The following PPEF1 variants were observed in gnomAD, a reference collection of about 807,000 sequenced individuals.
PPEF1 encodes protein phosphatase with EF-hand domain 1, also known as serine/threonine-protein phosphatase with EF-hands 1.
In PPEF1, 12 loss-of-function variants were observed where a neutral mutation model predicts 53.3. That is an observed-to-expected ratio of 0.23 (90% CI 0.14 to 0.36). The LOEUF (loss-of-function observed/expected upper bound fraction) is 0.36, where lower values mean the gene tolerates loss of function less well. Among genes scored for constraint, PPEF1 ranks in the 10% least tolerant of loss-of-function variants. The pLI is 1.00. For synonymous variants in PPEF1, 165 were observed against 176.7 expected (o/e 0.93, Z 0.52); for missense variants, 334 against 490.4 (o/e 0.68, Z 3.01).
intron 4 of PPEF1, among the ~76,000 whole-genome samples, chrX:18,693,924 T>C (rs994953674): frequency 6.3e-5 from 7 of 111,737 alleles, no homozygotes; most frequent in Admixed American, 9.5e-5. Context: ...ATCATCAGGA[T>C]ATAGAACATG....
chrX:18,810,257 T>C, intron 12 of PPEF1, among the ~76,000 whole-genome samples: 1 of 110,478 alleles, frequency 9.1e-6, no homozygotes, highest in Non-Finnish European at 1.9e-5. Flanking sequence ...CATATTTATT[T>C]ATAATTTCAT....
chrX:18,824,303 G>C (rs1350221949), intron 14 of PPEF1, among the ~76,000 whole-genome samples: 2 of 111,028 alleles, frequency 1.8e-5, no homozygotes, highest in Admixed American at 9.6e-5. Context: ...AGCCGGGTGT[G>C]GTCGTGCCCA....
At chrX:18,703,770 C>A (rs1011241580), upstream of PPEF1, among the ~76,000 whole-genome samples, 3 of 110,332 alleles carry the variant, frequency 2.7e-5, no homozygotes, top group Non-Finnish European at 5.7e-5. Flanking sequence ...AAACCAAATG[C>A]CTCTGGAGAG....
chrX:18,733,958 C>T (rs1294579224), intron 3 of PPEF1, 150 bp downstream of exon 3: 37 of 439,423 alleles, frequency 8.4e-5, no homozygotes, highest in Non-Finnish European at 1.3e-4. Flanking sequence ...CTGGCAACAT[C>T]AGTTCAAGTG....
At chrX:18,729,153 C>CAGG (rs55988995) in intron 1 of PPEF1, among the ~76,000 whole-genome samples, 53,962 of 110,466 alleles carry the variant, frequency 0.49, 9,944 homozygotes, top group Non-Finnish European at 0.56. Flanking sequence ...AAACTCTTCC[C>CAGG]CTTGTAACAT....
At chrX:18,823,840 C>A in intron 13 of PPEF1, 83 bp from the exon 14 acceptor site, 1 of 1,051,677 alleles carries the variant, frequency 9.5e-7, no homozygotes, top group Admixed American at 2.5e-5. Flanking sequence ...TGGCCCCATG[C>A]TGCCCTGGCT....
At chrX:18,682,244 C>A (rs1228816321), upstream of PPEF1, among the ~76,000 whole-genome samples, 3 of 112,500 alleles carry the variant, frequency 2.7e-5, no homozygotes, top group African/African-American at 9.7e-5. Context: ...GGAAACTGGA[C>A]ACCTCTGCCA....
chrX:18,743,446 C>CTTTTTTTTTTTTTTT (rs72264344), intron 3 of PPEF1, among the ~76,000 whole-genome samples: 43 of 59,310 alleles, frequency 7.3e-4, no homozygotes, highest in African/African-American at 1.4e-3. Flanking sequence ...TTCTCTTTTT[C>CTTTTTTTTTTTTTTT]TTTTTTTTTT....
At chrX:18,680,915 T>C (rs866648845), upstream of PPEF1, among the ~76,000 whole-genome samples, 5 of 110,509 alleles carry the variant, frequency 4.5e-5, no homozygotes, top group Admixed American at 1.9e-4. Flanking sequence ...TGGTTTCCAG[T>C]TTCATCCATG....
At chrX:18,696,100 G>A (rs1929699555) in intron 4 of PPEF1, among the ~76,000 whole-genome samples, 1 of 111,485 alleles carries the variant, frequency 9.0e-6, no homozygotes, top group Admixed American at 9.6e-5. Context: ...AAAATTACTT[G>A]GTATTCCTTT....
At chrX:18,737,375 G>A (rs1410162201) in intron 3 of PPEF1, among the ~76,000 whole-genome samples, 1 of 111,761 alleles carries the variant, frequency 8.9e-6, no homozygotes, top group African/African-American at 3.3e-5. Flanking sequence ...CCTTCATTTC[G>A]TTATGTACCA....
chrX:18,691,658 A>T (rs1378101355), intron 4 of PPEF1: 1 of 112,248 alleles, frequency 8.9e-6, no homozygotes, highest in African/African-American at 3.2e-5. Context: ...ACATTGACTC[A>T]TGCTAGATGT....
chrX:18,721,045 A>G (rs928289953), intron 1 of PPEF1, among the ~76,000 whole-genome samples: 8 of 111,444 alleles, frequency 7.2e-5, no homozygotes, highest in Non-Finnish European at 1.5e-4. Flanking sequence ...CCAGTTTTAT[A>G]TAGATTTTGG....
upstream of PPEF1, among the ~76,000 whole-genome samples, chrX:18,706,409 G>C (rs752217230): frequency 9.1e-6 from 1 of 109,813 alleles, no homozygotes; most frequent in East Asian, 2.9e-4. Flanking sequence ...CACAAAGTTA[G>C]ACTCCAGAGG....
At chrX:18,826,306 A>G (rs2047162162) in intron 15 of PPEF1, among the ~76,000 whole-genome samples, 1 of 110,853 alleles carries the variant, frequency 9.0e-6, no homozygotes, top group East Asian at 2.8e-4. Context: ...GCACAAATGA[A>G]AAGATGATTT....
At chrX:18,784,093 G>A in intron 9 of PPEF1, 45 bp downstream of exon 9, 4 of 1,063,737 alleles carry the variant, frequency 3.8e-6, no homozygotes, top group Non-Finnish European at 5.1e-6. Flanking sequence ...GGATTTAGAA[G>A]GGAATACATA....
intron 6 of PPEF1, 64 bp downstream of exon 6, chrX:18,761,640 A>G: frequency 1.2e-6 from 1 of 862,697 alleles, no homozygotes; most frequent in African/African-American, 2.0e-5. Context: ...AGGGCAGATA[A>G]CAATATTAGT....
intron 5 of PPEF1, chrX:18,700,268 TG>T (rs755829833): frequency 0.28 from 27,134 of 96,218 alleles, 2,726 homozygotes; most frequent in Non-Finnish European, 0.35. Context: ...TGTGTGTGTG[TG>T]TGTGTGTGTG....
intron 3 of PPEF1, among the ~76,000 whole-genome samples, chrX:18,743,446 C>CTTTT (rs72264344): frequency 3.0e-4 from 18 of 59,324 alleles, no homozygotes; most frequent in African/African-American, 1.0e-3. Context: ...TTCTCTTTTT[C>CTTTT]TTTTTTTTTT....
Sources: allele counts gnomAD v4.1 joint callset (sites outside exome capture counted in the v4.1 genomes callset), GRCh38; gene constraint gnomAD v4.1.1; transcripts MANE v1.5; gene names NCBI Gene and HGNC (gene_info 2026-07-23, HGNC 2026-07-21).